The following DAB1 variants were observed in gnomAD, a reference collection of about 807,000 sequenced individuals.
DAB1 encodes disabled homolog 1.
In DAB1, 15 loss-of-function variants were observed where a neutral mutation model predicts 64.6. That is an observed-to-expected ratio of 0.23 (90% CI 0.16 to 0.36). The LOEUF is 0.36. Ranked by LOEUF, DAB1 falls within the 10% of genes least tolerant of loss-of-function variation. DAB1 has a pLI of 1.00. For missense variants in DAB1, 596 were observed against 706.7 expected (o/e 0.84, Z 1.78); for synonymous variants, 235 against 251.9 (o/e 0.93, Z 0.64).
intron 6 of DAB1, among the ~76,000 whole-genome samples, chr1:57,712,954 G>A (rs575067097): frequency 5.1e-4 from 77 of 152,098 alleles, no homozygotes; most frequent in African/African-American, 1.8e-3. Flanking sequence ...TATTTTTCTC[G>A]CTGCATTAAA....
At chr1:57,814,962 G>A (rs985268878) in intron 6 of DAB1, among the ~76,000 whole-genome samples, 9 of 152,190 alleles carry the variant, frequency 5.9e-5, no homozygotes, top group Admixed American at 5.2e-4. Flanking sequence ...TGCTGTAGCA[G>A]GGGTTTACAA....
At chr1:57,976,725 T>G (rs757838564) in intron 5 of DAB1, among the ~76,000 whole-genome samples, 5 of 152,194 alleles carry the variant, frequency 3.3e-5, no homozygotes, top group Non-Finnish European at 7.4e-5. Context: ...TTAGATATAC[T>G]TTCTCTGTAG....
intron 6 of DAB1, among the ~76,000 whole-genome samples, chr1:57,656,576 C>T (rs562986951): frequency 6.6e-6 from 1 of 152,322 alleles, no homozygotes; most frequent in Admixed American, 6.5e-5. Context: ...GTTTCTGCTT[C>T]TAGATCTTGG....
chr1:57,502,547 G>A (rs1285741335), intron 7 of DAB1, among the ~76,000 whole-genome samples: 1 of 152,100 alleles, frequency 6.6e-6, no homozygotes, highest in Admixed American at 6.5e-5. Flanking sequence ...AGAATGTTAA[G>A]TCCATGAGAT....
intron 3 of DAB1, among the ~76,000 whole-genome samples, chr1:58,358,953 A>AACACACACACACACACACACACAC (rs57077530): frequency 0.023 from 2,793 of 123,844 alleles, 53 homozygotes; most frequent in Non-Finnish European, 0.029. Flanking sequence ...CTCTCTCTGT[A>AACACACACACACACACACACACAC]ACACACACAC....
chr1:57,207,071 T>G (rs534643046), intron 2 of DAB1, among the ~76,000 whole-genome samples: 58 of 144,288 alleles, frequency 4.0e-4, no homozygotes, highest in African/African-American at 1.5e-3. Context: ...CAGGTTCAAG[T>G]GATTCTCCTG....
At chr1:57,139,024 T>G (rs143463822) in intron 3 of DAB1, among the ~76,000 whole-genome samples, 4 of 152,138 alleles carry the variant, frequency 2.6e-5, no homozygotes, top group African/African-American at 9.7e-5. Flanking sequence ...TGTTCTCAGA[T>G]AGATTTGGAG....
intron 7 of DAB1, among the ~76,000 whole-genome samples, chr1:57,447,815 T>G (rs1329009747): frequency 2.6e-5 from 4 of 152,054 alleles, no homozygotes; most frequent in Non-Finnish European, 5.9e-5. Flanking sequence ...TCCTTTAGGT[T>G]GTGGTCAGAG....
chr1:58,109,648 G>C (rs1651862159), intron 5 of DAB1, among the ~76,000 whole-genome samples: 1 of 151,782 alleles, frequency 6.6e-6, no homozygotes. Flanking sequence ...ATACTCACGT[G>C]GGCCAAGGGC....
At chr1:57,112,494 C>G (rs1010686918) in intron 4 of DAB1, among the ~76,000 whole-genome samples, 5 of 152,084 alleles carry the variant, frequency 3.3e-5, no homozygotes, top group African/African-American at 1.2e-4. Flanking sequence ...CAAAGAGTAA[C>G]TATGAATGAA....
intron 5 of DAB1, chr1:58,049,317 A>C: frequency 1.5e-6 from 1 of 663,068 alleles, no homozygotes; most frequent in Non-Finnish European, 2.7e-6. Context: ...AGAGACTTTA[A>C]CGATGCTTCT....
chr1:58,503,859 G>T (rs1219178207), intron 3 of DAB1, among the ~76,000 whole-genome samples: 3 of 152,166 alleles, frequency 2.0e-5, no homozygotes, highest in Non-Finnish European at 4.4e-5. Flanking sequence ...TAAAATAGGT[G>T]TTAAGAAGCC....
chr1:58,332,775 T>C (rs1355275280), intron 4 of DAB1, among the ~76,000 whole-genome samples: 1 of 152,232 alleles, frequency 6.6e-6, no homozygotes, highest in African/African-American at 2.4e-5. Context: ...AAAGGACTTA[T>C]AATGGCACAT....
intron 6 of DAB1, among the ~76,000 whole-genome samples, chr1:57,657,115 A>C (rs1181243710): frequency 6.6e-6 from 1 of 152,240 alleles, no homozygotes; most frequent in Non-Finnish European, 1.5e-5. Context: ...TGTCTGAGCC[A>C]CATAGAGAGT....
intron 3 of DAB1, among the ~76,000 whole-genome samples, chr1:58,405,919 G>A (rs1289849106): frequency 6.6e-6 from 1 of 152,134 alleles, no homozygotes; most frequent in African/African-American, 2.4e-5. Context: ...CGTGTCCCAG[G>A]GAAAGAATAG....
chr1:58,123,727 T>C (rs1652885912), intron 5 of DAB1, among the ~76,000 whole-genome samples: 2 of 152,180 alleles, frequency 1.3e-5, no homozygotes, highest in African/African-American at 2.4e-5. Flanking sequence ...ATCTGGTAAA[T>C]GAAGAAATTT....
chr1:58,112,306 A>T (rs953402379), intron 5 of DAB1, among the ~76,000 whole-genome samples: 3 of 152,250 alleles, frequency 2.0e-5, no homozygotes, highest in African/African-American at 7.2e-5. Context: ...AAGAGCAATG[A>T]CCTTGTTTGC....
rs539565735 is a variant in DAB1, at chr1:57,409,574, G to A, written c.-137+14356C>T. Among the ~76,000 whole-genome samples, 25 of 152,294 alleles carry A rather than the reference G, an allele frequency of 1.6e-4. 1 individual carries two copies. The East Asian group carries it at 4.8e-3, about 30-fold the overall frequency. On this transcript the variant is annotated intron_variant, in intron 1 of 14. Transcript: ENST00000371236. ...GCTTGTAATCCCAGCAATTTGGGAG[G>A]CCGAGGTGGGCGGATCATGAGGTCA... is the stretch of plus-strand genomic sequence containing the variant.
chr1:58,185,598 A>G (rs6662735), intron 4 of DAB1, among the ~76,000 whole-genome samples: 17 of 152,106 alleles, frequency 1.1e-4, no homozygotes, highest in African/African-American at 3.4e-4. Context: ...TGAATCTTTA[A>G]TATATGATAT....
Sources: gnomAD v4.1 joint callset for allele counts (sites outside exome capture counted in the v4.1 genomes callset) on GRCh38, gnomAD v4.1.1 for gene constraint, MANE v1.5 for transcripts, NCBI Gene and HGNC (gene_info 2026-07-23, HGNC 2026-07-21) for gene names.